TPO: variants seen among roughly 807,000 people sequenced by gnomAD.
TPO encodes the protein thyroid peroxidase.
Under a neutral mutation model 96.9 loss-of-function variants are expected in TPO, and 78 were observed. The observed-to-expected ratio is 0.81, with a 90% CI of 0.67 to 0.97. The LOEUF is 0.97. Ranked by LOEUF, TPO falls within the 50% of genes least tolerant of loss-of-function variation. TPO has a pLI of 0.00. For missense variants in TPO, 1,252 were observed against 1,274.8 expected, an observed-to-expected ratio of 0.98 and a Z score of 0.27; for synonymous variants, 547 against 538.0, an observed-to-expected ratio of 1.02 and a Z score of -0.23.
At chr2:1,467,546 G>C (rs1277460653) in intron 7 of TPO, among the ~76,000 whole-genome samples, 4 of 152,164 alleles carry the variant, frequency 2.6e-5, no homozygotes, top group Non-Finnish European at 1.5e-5. Flanking sequence ...TGTGGTCTGA[G>C]AGAGTGCTTG....
At chr2:1,422,306 T>TGGACTGAC (rs1663661262) in intron 2 of TPO, among the ~76,000 whole-genome samples, 2 of 57,894 alleles carry the variant, frequency 3.5e-5, no homozygotes, top group South Asian at 1.2e-3. Context: ...CGCAGGCGCC[T>TGGACTGAC]CTCCTGGACA....
chr2:1,443,667 T>C (rs1020752552), intron 5 of TPO, among the ~76,000 whole-genome samples: 2 of 138,420 alleles, frequency 1.4e-5, no homozygotes, highest in Non-Finnish European at 3.1e-5. Context: ...ATCCAGTCAC[T>C]GCTGCAGGAG....
intron 14 of TPO, among the ~76,000 whole-genome samples, chr2:1,508,498 G>A (rs925383231): frequency 1.3e-5 from 2 of 152,166 alleles, no homozygotes; most frequent in Non-Finnish European, 2.9e-5. Context: ...GAATTCGGCT[G>A]TGAATCCATC....
At chr2:1,539,275 TTA>T (rs1680447307) in intron 15 of TPO, among the ~76,000 whole-genome samples, 1 of 152,212 alleles carries the variant, frequency 6.6e-6, no homozygotes, top group South Asian at 2.1e-4. Context: ...TGCTAACTCC[TTA>T]CAGACTTTAT....
chr2:1,477,474 T>C lies in TPO; in HGVS notation c.1208T>C (p.Leu403Pro), dbSNP rs1290347914. The C allele has an allele frequency of 6.5e-7, 1 of 1,529,058 alleles. No homozygotes were observed. The highest frequency in any genetic ancestry group is 2.0e-5 in the Admixed American group (1 of 50,586). The allele number at this position is 1,529,058 out of a possible 1,614,324, so 94.7% of individuals were successfully genotyped here. ...GDGRASEVPS[L>P]TALHTLWLRE... is the part of the protein sequence containing the mutation. ...GGCCGCGCCAGCGAGGTCCCCTCCCTGACGGCACTGCACACGCTGTGGCTG... is the reference window on the plus strand; with the variant it reads ...GGCCGCGCCAGCGAGGTCCCCTCCCCGACGGCACTGCACACGCTGTGGCTG... Residue 403 changes from leucine (L) to proline (P), a missense_variant, in exon 8 of 17, where the codon CTG (leucine) becomes CCG (proline). Physicochemically the swap from Leu to Pro is moderately conservative, Grantham distance 98 (BLOSUM62 -3). Transcript: ENST00000329066.
intron 10 of TPO, among the ~76,000 whole-genome samples, chr2:1,491,815 C>T (rs1227879568): frequency 2.0e-5 from 3 of 152,182 alleles, no homozygotes; most frequent in Non-Finnish European, 4.4e-5. Context: ...CACAGAGCCT[C>T]TTGACGGGGC....
chr2:1,456,145 G>T lies in TPO; in HGVS notation c.682G>T (p.Asp228Tyr), dbSNP rs1354225580. The T allele has an allele frequency of 6.2e-7, 1 of 1,614,064 alleles. No individual in the cohort carries two copies. The highest frequency in any genetic ancestry group is 1.3e-5 in the African/African-American group (1 of 75,024). ...EVVTDDDRYS[D>Y]LLMAWGQYID... is the part of the protein sequence containing the mutation. ...TGTCACAGATGATGACCGCTATTCT[G>T]ACCTCCTGATGGCATGGGGACAATA... Residue 228 changes from aspartate (D) to tyrosine (Y), a missense_variant, in exon 7 of 17, where the codon GAC becomes TAC. Asp to Tyr is a radical substitution (Grantham distance 160, BLOSUM62 -3). Coordinates refer to ENST00000329066, the MANE Select transcript of TPO (RefSeq NM_001206744.2).
intron 15 of TPO, among the ~76,000 whole-genome samples, chr2:1,538,913 T>G (rs1360227084): frequency 6.6e-6 from 1 of 152,158 alleles, no homozygotes; most frequent in East Asian, 1.9e-4. Context: ...TTCACTGGCA[T>G]TGCTTGGCCT....
intron 5 of TPO, among the ~76,000 whole-genome samples, chr2:1,453,083 ACT>A (rs552269711): frequency 2.0e-5 from 3 of 150,922 alleles, no homozygotes; most frequent in Non-Finnish European, 3.0e-5. Flanking sequence ...AATACAACTG[ACT>A]CTCTCTCTCT....
intron 1 of TPO, among the ~76,000 whole-genome samples, chr2:1,388,382 T>C (rs1286853663): frequency 2.0e-5 from 3 of 152,208 alleles, no homozygotes; most frequent in Non-Finnish European, 4.4e-5. Context: ...CTGGCCGCTT[T>C]GTTTACCTAC....
chr2:1,399,553 A>G (rs1662133549), intron 1 of TPO, among the ~76,000 whole-genome samples: 1 of 152,252 alleles, frequency 6.6e-6, no homozygotes, highest in Non-Finnish European at 1.5e-5. Context: ...TTTAAAACCG[A>G]TGAGTTGTTT....
chr2:1,489,650 CTGAATGAATGAA>C (rs59667255), intron 10 of TPO, among the ~76,000 whole-genome samples: 9 of 150,288 alleles, frequency 6.0e-5, no homozygotes, highest in Non-Finnish European at 1.0e-4. Flanking sequence ...GGAACCCTCA[CTGAATGAATGAA>C]TGAATGAATG....
intron 10 of TPO, among the ~76,000 whole-genome samples, chr2:1,489,791 T>C (rs1671544554): frequency 1.3e-5 from 2 of 152,368 alleles, no homozygotes; most frequent in South Asian, 4.1e-4. Context: ...GGATTGGACC[T>C]GAGGAGTTCA....
chr2:1,502,931 G>T (rs1216885658), intron 13 of TPO, among the ~76,000 whole-genome samples: 5 of 152,188 alleles, frequency 3.3e-5, no homozygotes, highest in African/African-American at 1.2e-4. Flanking sequence ...CCCTCACCCT[G>T]GGGAGCAGGT....
chr2:1,528,504 A>G (rs1677163321), intron 15 of TPO, among the ~76,000 whole-genome samples: 1 of 129,670 alleles, frequency 7.7e-6, no homozygotes, highest in South Asian at 2.6e-4. Context: ...CCTTCTGTGC[A>G]ATTTCCCCAA....
intron 7 of TPO, among the ~76,000 whole-genome samples, chr2:1,472,818 G>A (rs938409364): frequency 3.4e-5 from 3 of 89,166 alleles, no homozygotes; most frequent in Non-Finnish European, 6.2e-5. Flanking sequence ...TTTTCTGCTT[G>A]TTTGGCGGCA....
chr2:1,439,034 CA>C (rs1461708378), intron 5 of TPO: 30 of 544,566 alleles, frequency 5.5e-5, no homozygotes, highest in East Asian at 8.6e-5. Flanking sequence ...CATGATCACT[CA>C]AAAAAAACTC....
At chr2:1,457,612 TAGTGTGTGGG>T (rs1667950808) in intron 7 of TPO, among the ~76,000 whole-genome samples, 1 of 151,250 alleles carries the variant, frequency 6.6e-6, no homozygotes, top group African/African-American at 2.4e-5. Context: ...GCATGTATGA[TAGTGTGTGGG>T]CAGATGTGTA....
chr2:1,388,511 G>T (rs1368565202), intron 1 of TPO, among the ~76,000 whole-genome samples: 2 of 152,206 alleles, frequency 1.3e-5, no homozygotes, highest in Admixed American at 6.5e-5. Context: ...CTCCGAGCCA[G>T]GCGTAGGGTA....
Sources: gnomAD v4.1 joint callset for allele counts (sites outside exome capture counted in the v4.1 genomes callset) on GRCh38, gnomAD v4.1.1 for gene constraint, MANE v1.5 for transcripts, NCBI Gene and HGNC (gene_info 2026-07-23, HGNC 2026-07-21) for gene names.